The following KNTC1 variants were observed in gnomAD, a reference collection of about 807,000 sequenced individuals.
KNTC1 encodes the protein kinetochore-associated protein 1.
KNTC1 carries 253 observed loss-of-function variants against 314.4 expected under a neutral mutation model. The ratio of observed to expected loss-of-function variants is 0.80; its 90% CI spans 0.73 to 0.89. The LOEUF (loss-of-function observed/expected upper bound fraction) is 0.89. Ranked by LOEUF, KNTC1 falls within the 40% of genes least tolerant of loss-of-function variation. KNTC1 has a pLI of 0.00. For synonymous variants in KNTC1, 901 were observed against 901.4 expected, an observed-to-expected ratio of 1.00 and a Z score of 0.01; for missense variants, 2,475 against 2,572.9, an observed-to-expected ratio of 0.96 and a Z score of 0.82.
At chr12:122,590,876 T>C in intron 41 of KNTC1, 141 bp downstream of exon 41, 1 of 769,618 alleles carries the variant, frequency 1.3e-6, no homozygotes, top group South Asian at 1.9e-5. Flanking sequence ...AGCTTCTGCT[T>C]GACTGGTGAC....
intron 16 of KNTC1, among the ~76,000 whole-genome samples, chr12:122,553,471 G>C (rs988128442): frequency 2.6e-5 from 4 of 152,012 alleles, no homozygotes; most frequent in African/African-American, 9.7e-5. Context: ...ACTGCAATAA[G>C]ATTGGCCTGT....
intron 8 of KNTC1, among the ~76,000 whole-genome samples, chr12:122,544,643 C>T (rs1962623930): frequency 6.6e-6 from 1 of 152,166 alleles, no homozygotes; most frequent in South Asian, 2.1e-4. Flanking sequence ...AAATTATGGT[C>T]ATCATAGTTT....
In KNTC1 at chr12:122,620,616, G is replaced by A. The variant is rs1427157318; in HGVS notation, c.6279+8G>A. ...AGACACCAGCAAATTAAGGTATCGT[G>A]CACATGATTCCTCTGGGCTGCCAAG... On this transcript the variant is annotated splice_region_variant and intron_variant, in intron 60 of 63. Transcript: ENST00000333479. 12 of 1,611,900 alleles carry A rather than the reference G, an allele frequency of 7.4e-6. No homozygotes were observed. The highest frequency in any genetic ancestry group is 1.1e-5 in the South Asian group (1 of 90,924).
chr12:122,584,844 C>G, intron 35 of KNTC1, 49 bp from the exon 36 acceptor site: 1 of 965,096 alleles, frequency 1.0e-6, no homozygotes, highest in African/African-American at 1.6e-5. Flanking sequence ...TTTCATTATC[C>G]TAAAGACATG....
intron 44 of KNTC1, among the ~76,000 whole-genome samples, chr12:122,598,619 C>T (rs754076695): frequency 2.0e-5 from 3 of 151,676 alleles, no homozygotes; most frequent in Non-Finnish European, 4.4e-5. Flanking sequence ...TGGAATTTCA[C>T]CGTGTTGTCC....
intron 52 of KNTC1, 119 bp from the exon 53 acceptor site, chr12:122,610,703 T>C (rs1873019659): frequency 1.5e-6 from 1 of 646,694 alleles, no homozygotes; most frequent in Non-Finnish European, 2.7e-6. Flanking sequence ...TGACCCATTA[T>C]CCTTCTGATC....
At position 122,604,952 on chromosome 12, in the gene KNTC1, G is replaced by C. The variant is rs151223138; in HGVS notation, c.5251G>C (p.Val1751Leu). 487 of 1,612,076 alleles carry C rather than the reference G, an allele frequency of 3.0e-4. 5 individuals carry two copies. In the East Asian group the frequency reaches 5.9e-3, roughly 19 times the overall value. Residue 1751 changes from valine (V) to leucine (L), a missense_variant, in exon 50 of 64, where the codon GTG (valine) becomes CTG (leucine). Val to Leu is a conservative substitution (Grantham distance 32, BLOSUM62 1). Coordinates refer to ENST00000333479, the MANE Select transcript of KNTC1 (RefSeq NM_014708.6). ...GTACCGGCGATCGGGCACAGAAGCT[G>C]TGCTCATAGCCCACAAGCTGAACAC... ...IQYRRSGTEAVLIAHKLNTEE... is the reference protein window; with the variant it reads ...IQYRRSGTEALLIAHKLNTEE...
intron 21 of KNTC1, among the ~76,000 whole-genome samples, 154 bp downstream of exon 21, chr12:122,568,526 GC>G (rs1486937200): frequency 6.6e-6 from 1 of 152,120 alleles, no homozygotes; most frequent in Non-Finnish European, 1.5e-5. Flanking sequence ...TTTGTAAAGG[GC>G]AAGGGGATAA....
intron 26 of KNTC1, among the ~76,000 whole-genome samples, 170 bp downstream of exon 26, chr12:122,573,455 G>C (rs7956493): frequency 0.04 from 6,123 of 152,216 alleles, 419 homozygotes; most frequent in African/African-American, 0.14. Context: ...CTTGAGCAAA[G>C]GGGGGATACA....
intron 42 of KNTC1, chr12:122,593,368 A>G (rs1386262759): frequency 6.6e-6 from 1 of 151,564 alleles, no homozygotes; most frequent in African/African-American, 2.4e-5. Flanking sequence ...GGCTCAGGCA[A>G]TTCCCCTGCC....
At chr12:122,557,022 G>C (rs1248232393) in intron 16 of KNTC1, among the ~76,000 whole-genome samples, 1 of 151,114 alleles carries the variant, frequency 6.6e-6, no homozygotes, top group African/African-American at 2.4e-5. Context: ...TCCTGAGCAG[G>C]CTGGCACTAC....
chr12:122,547,578 G>A (rs1310671455), intron 11 of KNTC1, 48 bp downstream of exon 11: 5 of 1,140,826 alleles, frequency 4.4e-6, no homozygotes, highest in African/African-American at 1.5e-5. Flanking sequence ...GTTAGTACCA[G>A]GTATCTTGTC....
At chr12:122,620,652 G>A (rs750039994) in intron 60 of KNTC1, 44 bp downstream of exon 60, 6 of 1,597,396 alleles carry the variant, frequency 3.8e-6, no homozygotes, top group Middle Eastern at 1.7e-4. Flanking sequence ...GAAATAGAAG[G>A]TTTCATCTTG....
chr12:122,534,583 G>C, intron 2 of KNTC1, 81 bp from the exon 3 acceptor site: 1 of 1,322,196 alleles, frequency 7.6e-7, no homozygotes, highest in Non-Finnish European at 1.0e-6. Flanking sequence ...GGATATTTGG[G>C]AATTTGATGA....
chr12:122,580,895 G>A (rs996377231), intron 33 of KNTC1, among the ~76,000 whole-genome samples: 2 of 152,060 alleles, frequency 1.3e-5, no homozygotes, highest in African/African-American at 4.8e-5. Flanking sequence ...AGGCGTGGTG[G>A]CACTCACCTG....
Position 122,604,987 on chromosome 12 carries a change from T to C in KNTC1, c.5286T>C (p.Tyr1762=). Residue 1762 remains tyrosine, a synonymous_variant, in exon 50 of 64, where the codon TAT becomes TAC. Coordinates refer to ENST00000333479, the MANE Select transcript of KNTC1 (RefSeq NM_014708.6). ...LIAHKLNTEE[Y]LRVIGKPAHL... is the part of the protein sequence containing the mutation. ...CCCACAAGCTGAACACTGAGGAATA[T>C]TTAAGAGTGATCGGAAAGCCAGCAC... 1 of 1,613,198 alleles carries C rather than the reference T, an allele frequency of 6.2e-7. No individual in the cohort carries two copies. Among genetic ancestry groups the C allele is most frequent in the Non-Finnish European group, 8.5e-7 (1 of 1,179,546 alleles).
intron 6 of KNTC1, among the ~76,000 whole-genome samples, chr12:122,543,318 G>A (rs1037220214): frequency 3.3e-5 from 5 of 152,208 alleles, no homozygotes; most frequent in Non-Finnish European, 4.4e-5. Context: ...AGCTAGAAAC[G>A]TAAGAGCTAT....
In KNTC1 at chr12:122,605,380, GA is replaced by G; in HGVS notation, c.5466del (p.Lys1822AsnfsTer55). 1.2e-6 allele frequency: 2 copies of G among 1,602,540 alleles called. No individual in the cohort carries two copies. Among genetic ancestry groups the G allele is most frequent in the Admixed American group, 1.7e-5 (1 of 58,688 alleles). On this transcript the variant is annotated frameshift_variant, in exon 51 of 64. Coordinates refer to ENST00000333479, the MANE Select transcript of KNTC1 (RefSeq NM_014708.6). LOFTEE classifies it high-confidence loss of function. ...GGAAAAAGTCTGGGACATGTTGTTG[GA>G]AAAATGGCTATGCCCTTCAACAAAA... ...NLEKVWDMLL[E>X]KWLCPSTKPG...
At chr12:122,546,066 TA>T (rs1962736124) in intron 8 of KNTC1, 109 bp from the exon 9 acceptor site, 3 of 685,542 alleles carry the variant, frequency 4.4e-6, no homozygotes, top group Non-Finnish European at 7.8e-6. Context: ...TTAGAATATG[TA>T]AATATATTTT....
Sources: allele counts gnomAD v4.1 joint callset (sites outside exome capture counted in the v4.1 genomes callset), GRCh38; gene constraint gnomAD v4.1.1; transcripts MANE v1.5; gene names NCBI Gene and HGNC (gene_info 2026-07-23, HGNC 2026-07-21).